The following ATAD2B variants were observed in gnomAD, a reference collection of about 807,000 sequenced individuals.
ATAD2B encodes ATPase family AAA domain containing 2B.
In ATAD2B, 40 loss-of-function variants were observed where a neutral mutation model predicts 167.6. The ratio of observed to expected loss-of-function variants is 0.24; its 90% CI spans 0.19 to 0.31. ATAD2B has a LOEUF of 0.31. ATAD2B is among the 10% of genes least tolerant of loss of function. The probability of loss-of-function intolerance (pLI) is 1.00; values close to 1 mark genes in which losing one functional copy is unlikely to be tolerated. For synonymous variants in ATAD2B, 579 were observed against 596.5 expected (o/e 0.97, Z 0.43); for missense variants, 1,242 against 1,757.2 (o/e 0.71, Z 5.24).
intron 1 of ATAD2B, among the ~76,000 whole-genome samples, chr2:23,906,600 G>T (rs117099366): frequency 2.0e-5 from 3 of 152,036 alleles, no homozygotes; most frequent in African/African-American, 7.2e-5. Context: ...TGACTGTGGG[G>T]TGTTAAACTC....
intron 12 of ATAD2B, 114 bp downstream of exon 12, chr2:23,863,267 C>T (rs1694688391): frequency 1.0e-6 from 1 of 1,002,736 alleles, no homozygotes; most frequent in Non-Finnish European, 1.4e-6. Flanking sequence ...CGAGATCACG[C>T]TATTGCACTC....
the ATAD2B span, among the ~76,000 whole-genome samples, chr2:23,743,528 A>ACT: frequency 6.7e-6 from 1 of 148,892 alleles, no homozygotes. Flanking sequence ...ACACCACTGC[A>ACT]CTCCAGCCTG....
At chr2:23,923,272 A>T (rs954098586) in intron 1 of ATAD2B, among the ~76,000 whole-genome samples, 2 of 152,162 alleles carry the variant, frequency 1.3e-5, no homozygotes, top group African/African-American at 4.8e-5. Context: ...ATACTGAATG[A>T]TCTCACTTAT....
intron 1 of ATAD2B, among the ~76,000 whole-genome samples, chr2:23,909,670 T>C (rs950137738): frequency 2.7e-4 from 41 of 152,020 alleles, no homozygotes; most frequent in African/African-American, 9.9e-4. Context: ...CTGGAGAAAT[T>C]AGGGGAGCAG....
At chr2:23,847,509 A>G (rs1300670889) in intron 13 of ATAD2B, among the ~76,000 whole-genome samples, 1 of 151,798 alleles carries the variant, frequency 6.6e-6, no homozygotes, top group Non-Finnish European at 1.5e-5. Flanking sequence ...CATCTCAAAA[A>G]AAAAAGTCAG....
rs1675224966 is a variant in ATAD2B, at chr2:23,750,400, T to C, written c.*1646A>G. ...CACTTTGGATTACTGCAGTAGGCTA[T>C]GGCCAAAGTATGCTTTCTGCACACT... is the stretch of plus-strand genomic sequence containing the variant. On this transcript the variant is annotated 3_prime_UTR_variant, in exon 28 of 28. Coordinates refer to ENST00000238789, the MANE Select transcript of ATAD2B (RefSeq NM_017552.4). 6.6e-6 allele frequency: 1 copy of C among 152,146 alleles called. No homozygotes were observed. The allele number at this position is 152,146 out of a possible 1,614,324, so 9.4% of individuals were successfully genotyped here. A position where few individuals can be genotyped will look rare whatever the true frequency, so the allele number is the denominator to read the frequency against.
At chr2:23,806,902 G>A (rs887607353) in intron 18 of ATAD2B, among the ~76,000 whole-genome samples, 2 of 152,182 alleles carry the variant, frequency 1.3e-5, no homozygotes, top group African/African-American at 4.8e-5. Flanking sequence ...AATTTGACTT[G>A]AGTCTACATT....
At chr2:23,776,916 C>G (rs1679231069) in intron 22 of ATAD2B, among the ~76,000 whole-genome samples, 2 of 152,054 alleles carry the variant, frequency 1.3e-5, no homozygotes, top group South Asian at 4.1e-4. Context: ...AAATGCATCT[C>G]CTCTAAATTT....
chr2:23,760,056 G>A (rs1334522215), intron 24 of ATAD2B, among the ~76,000 whole-genome samples: 1 of 152,182 alleles, frequency 6.6e-6, no homozygotes, highest in Non-Finnish European at 1.5e-5. Context: ...TGCTCAATCA[G>A]GAGTCACCTC....
intron 7 of ATAD2B, among the ~76,000 whole-genome samples, chr2:23,877,613 T>C (rs1263248700): frequency 4.0e-5 from 6 of 148,312 alleles, no homozygotes; most frequent in African/African-American, 1.5e-4. Context: ...GCTCACAACT[T>C]GTAATCCCAG....
At chr2:23,816,243 T>C (rs927397532) in intron 17 of ATAD2B, among the ~76,000 whole-genome samples, 1 of 152,168 alleles carries the variant, frequency 6.6e-6, no homozygotes, top group South Asian at 2.1e-4. Context: ...AATTTAACAA[T>C]CTGTGTCAAC....
chr2:23,787,646 A>G (rs1681023988), intron 20 of ATAD2B, among the ~76,000 whole-genome samples: 1 of 151,996 alleles, frequency 6.6e-6, no homozygotes, highest in South Asian at 2.1e-4. Context: ...CAAACAAAGT[A>G]AAAAGAATAT....
chr2:23,715,281 TATC>T, the ATAD2B span, among the ~76,000 whole-genome samples: 8 of 152,132 alleles, frequency 5.3e-5, no homozygotes, highest in Admixed American at 5.2e-4. Flanking sequence ...GTCATTAAAA[TATC>T]ATATTGAAGG....
At chr2:23,719,852 C>T in the ATAD2B span, among the ~76,000 whole-genome samples, 1 of 152,212 alleles carries the variant, frequency 6.6e-6, no homozygotes, top group Non-Finnish European at 1.5e-5. Context: ...ACATCCCCAG[C>T]CCTGGAAACT....
At chr2:23,832,300 C>T (rs1197872509) in intron 14 of ATAD2B, 3 of 459,584 alleles carry the variant, frequency 6.5e-6, no homozygotes, top group Non-Finnish European at 1.3e-5. Flanking sequence ...AAACAGCCAG[C>T]ATAGGCCTTT....
chr2:23,868,786 G>A (rs1006695510), intron 9 of ATAD2B, among the ~76,000 whole-genome samples: 3 of 151,878 alleles, frequency 2.0e-5, no homozygotes, highest in East Asian at 1.9e-4. Flanking sequence ...TTTAATTTCT[G>A]TAAATTAATA....
the ATAD2B span, chr2:23,684,313 TGAAAA>T: frequency 9.4e-7 from 1 of 1,063,646 alleles, no homozygotes; most frequent in East Asian, 3.0e-5. This position sits in a 1 kb window ranked among gnomAD's most constrained non-coding sequence, Gnocchi z 4.4. Context: ...CTCTACTTCT[TGAAAA>T]AAGAAAAAAA....
intron 22 of ATAD2B, among the ~76,000 whole-genome samples, chr2:23,769,040 G>A (rs1201240464): frequency 6.6e-6 from 1 of 152,176 alleles, no homozygotes; most frequent in African/African-American, 2.4e-5. Context: ...GGGTGGAATG[G>A]CTAGGTCAAA....
chr2:23,810,856 C>T (rs1685451334), intron 17 of ATAD2B, among the ~76,000 whole-genome samples: 1 of 151,938 alleles, frequency 6.6e-6, no homozygotes, highest in African/African-American at 2.4e-5. Flanking sequence ...ACTAAAAATA[C>T]AAAAATTAGC....
Sources: allele counts gnomAD v4.1 joint callset (sites outside exome capture counted in the v4.1 genomes callset), GRCh38; gene constraint gnomAD v4.1.1; non-coding constraint Gnocchi (gnomAD v3.1); transcripts MANE v1.5; gene names NCBI Gene and HGNC (gene_info 2026-07-23, HGNC 2026-07-21).